Variants in SULF1 observed in about 807,000 individuals in gnomAD.
SULF1 encodes extracellular sulfatase Sulf-1.
SULF1 carries 46 observed loss-of-function variants against 110.5 expected under a neutral mutation model. The ratio of observed to expected loss-of-function variants is 0.42; its 90% CI spans 0.33 to 0.53. The LOEUF (loss-of-function observed/expected upper bound fraction) is 0.53. Among genes scored for constraint, SULF1 ranks in the 20% least tolerant of loss-of-function variants. The pLI, the probability that SULF1 is intolerant of heterozygous loss-of-function variation, is 0.12. For synonymous variants in SULF1, 371 were observed against 387.1 expected (o/e 0.96, Z 0.49); for missense variants, 941 against 1,094.2 (o/e 0.86, Z 1.98).
At chr8:69,565,847 C>A (rs6472464) in intron 5 of SULF1, among the ~76,000 whole-genome samples, 36,336 of 151,986 alleles carry the variant, frequency 0.24, 4,751 homozygotes, top group African/African-American at 0.35. Context: ...GCTTCATAAA[C>A]ACAATTGCCA....
intron 13 of SULF1, among the ~76,000 whole-genome samples, chr8:69,610,411 A>C (rs1171546250): frequency 2.6e-5 from 4 of 152,192 alleles, no homozygotes; most frequent in Admixed American, 6.5e-5. Context: ...TTCCAGAAGC[A>C]GACAAACCTG....
chr8:69,614,596 T>A (rs778908412), intron 13 of SULF1, among the ~76,000 whole-genome samples: 1 of 152,278 alleles, frequency 6.6e-6, no homozygotes. Flanking sequence ...TGTATCCTCA[T>A]ACCAAAATTG....
chr8:69,475,861 C>T (rs944158839), intron 1 of SULF1, among the ~76,000 whole-genome samples: 3 of 152,130 alleles, frequency 2.0e-5, no homozygotes, highest in African/African-American at 7.2e-5. Flanking sequence ...GAATACACAA[C>T]TGTGATTTTC....
chr8:69,489,571 C>CTTTTTT (rs61391745), upstream of SULF1, among the ~76,000 whole-genome samples: 162 of 91,890 alleles, frequency 1.8e-3, no homozygotes, highest in Non-Finnish European at 2.2e-3. Flanking sequence ...CTTTCTTTCT[C>CTTTTTT]TTTTTTTTTT....
chr8:69,649,004 A>G (rs563950956), intron 22 of SULF1, among the ~76,000 whole-genome samples: 5 of 152,318 alleles, frequency 3.3e-5, no homozygotes, highest in African/African-American at 1.2e-4. Context: ...AATCATCTAC[A>G]TTTATTCTGA....
At chr8:69,657,435 G>T (rs16936225) in intron 22 of SULF1, among the ~76,000 whole-genome samples, 5,368 of 152,282 alleles carry the variant, frequency 0.035, 333 homozygotes, top group African/African-American at 0.12. Context: ...CATTGTCAGT[G>T]CTGTGGCTCA....
chr8:69,508,994 C>T (rs570637239), intron 3 of SULF1, among the ~76,000 whole-genome samples: 2 of 152,246 alleles, frequency 1.3e-5, no homozygotes, highest in Non-Finnish European at 2.9e-5. Flanking sequence ...GTCAAGATAT[C>T]GGCTCTGGTT....
chr8:69,489,668 CCAGGTT>C (rs1249498979), upstream of SULF1, among the ~76,000 whole-genome samples: 42 of 150,990 alleles, frequency 2.8e-4, no homozygotes, highest in African/African-American at 9.8e-4. Flanking sequence ...GCTCCGCCTC[CCAGGTT>C]CAGGCCATTC....
At chr8:69,521,949 T>C (rs1812333777) in intron 3 of SULF1, among the ~76,000 whole-genome samples, 2 of 151,974 alleles carry the variant, frequency 1.3e-5, no homozygotes, top group South Asian at 2.1e-4. Context: ...AGCTATTTTT[T>C]TGAAGATAGA....
chr8:69,628,376 A>C, intron 18 of SULF1, 140 bp downstream of exon 18: 3 of 692,554 alleles, frequency 4.3e-6, no homozygotes, highest in Non-Finnish European at 7.5e-6. Context: ...CACCTAGCTC[A>C]TGAAGTTGAA....
chr8:69,577,259 A>T (rs1313976640), intron 6 of SULF1, among the ~76,000 whole-genome samples: 1 of 152,188 alleles, frequency 6.6e-6, no homozygotes, highest in Non-Finnish European at 1.5e-5. Context: ...CACATTAGTG[A>T]TTTAAATTTA....
chr8:69,580,870 T>A (rs940240891), intron 6 of SULF1, among the ~76,000 whole-genome samples: 14 of 152,168 alleles, frequency 9.2e-5, no homozygotes, highest in Middle Eastern at 3.2e-3. Flanking sequence ...GGATCAAAAA[T>A]TTTTTTGTCT....
At chr8:69,484,973 G>C (rs180698586) in intron 1 of SULF1, among the ~76,000 whole-genome samples, 1,524 of 152,114 alleles carry the variant, frequency 0.01, 21 homozygotes, top group Non-Finnish European at 0.017. Context: ...TGAGTATCTG[G>C]GACTACAGGT....
intron 22 of SULF1, among the ~76,000 whole-genome samples, chr8:69,654,332 G>C (rs1812558876): frequency 6.6e-6 from 1 of 152,158 alleles, no homozygotes; most frequent in Non-Finnish European, 1.5e-5. Flanking sequence ...TACTAGTCTA[G>C]TATTATCACT....
intron 3 of SULF1, among the ~76,000 whole-genome samples, chr8:69,551,197 T>C (rs1162939069): frequency 6.6e-6 from 1 of 152,250 alleles, no homozygotes; most frequent in Non-Finnish European, 1.5e-5. Flanking sequence ...TCTGCCTCCT[T>C]AATCTCTGGT....
intron 3 of SULF1, among the ~76,000 whole-genome samples, chr8:69,523,143 G>A (rs1167943768): frequency 1.3e-5 from 2 of 152,186 alleles, no homozygotes; most frequent in African/African-American, 4.8e-5. Flanking sequence ...TAGATGAGAA[G>A]AGGTAGAATC....
chr8:69,598,110 C>CAAAAA (rs35655573), intron 8 of SULF1, among the ~76,000 whole-genome samples: 1 of 139,314 alleles, frequency 7.2e-6, no homozygotes, highest in African/African-American at 2.6e-5. Context: ...TCTTTCAGGC[C>CAAAAA]AAAAAAAAAA....
intron 3 of SULF1, among the ~76,000 whole-genome samples, chr8:69,521,762 T>A (rs1202889007): frequency 6.6e-6 from 1 of 150,564 alleles, no homozygotes; most frequent in African/African-American, 2.4e-5. Flanking sequence ...AAAGGAAACA[T>A]ACATTCCAAC....
intron 5 of SULF1, among the ~76,000 whole-genome samples, chr8:69,564,847 C>T (rs1815752435): frequency 6.6e-6 from 1 of 152,212 alleles, no homozygotes; most frequent in African/African-American, 2.4e-5. Flanking sequence ...TTCTTCTAGT[C>T]CACCTAGTGC....
Sources: allele counts gnomAD v4.1 joint callset (sites outside exome capture counted in the v4.1 genomes callset), GRCh38; gene constraint gnomAD v4.1.1; transcripts MANE v1.5; gene names NCBI Gene and HGNC (gene_info 2026-07-23, HGNC 2026-07-21).